ST18: variants seen among roughly 807,000 people sequenced by gnomAD.
ST18 encodes the protein ST18 C2H2C-type zinc finger transcription factor.
A neutral mutation model predicts 110.0 loss-of-function variants in ST18; 50 were observed. The ratio of observed to expected loss-of-function variants is 0.45; its 90% CI spans 0.36 to 0.58. The LOEUF is 0.58. ST18 is among the 20% of genes least tolerant of loss of function. The pLI, the probability that ST18 is intolerant of heterozygous loss-of-function variation, is 0.00. For synonymous variants in ST18, 461 were observed against 452.4 expected, an observed-to-expected ratio of 1.02 and a Z score of -0.24; for missense variants, 1,306 against 1,280.1, an observed-to-expected ratio of 1.02 and a Z score of -0.31.
intron 2 of ST18, among the ~76,000 whole-genome samples, chr8:52,344,540 A>G (rs1229022297): frequency 6.6e-6 from 1 of 152,030 alleles, no homozygotes; most frequent in African/African-American, 2.4e-5. Context: ...AGCTGGGATT[A>G]CGGGGGCCCA....
intron 2 of ST18, among the ~76,000 whole-genome samples, chr8:52,255,915 A>G (rs765894683): frequency 6.6e-6 from 1 of 152,198 alleles, no homozygotes. Flanking sequence ...CCCTTGGCCC[A>G]TTGCTCCCTC....
intron 9 of ST18, among the ~76,000 whole-genome samples, chr8:52,175,460 G>A (rs2133959023): frequency 6.6e-6 from 1 of 152,154 alleles, no homozygotes; most frequent in East Asian, 1.9e-4. Context: ...TGCACGATAT[G>A]CGATGTGGAG....
At position 52,111,900 on chromosome 8, in the gene ST18, C is replaced by T. The variant is rs558317024; in HGVS notation, c.*1298G>A. ...ACTATAGAAACTATGAAACTCTGAT[C>T]CGTTCAGAAATTCAAGATTGTGGGC... On this transcript the variant is annotated 3_prime_UTR_variant, in exon 26 of 26. Transcript: ENST00000689386. 5 of 152,564 alleles carry T rather than the reference C, an allele frequency of 3.3e-5. No individual in the cohort carries two copies. The highest frequency in any genetic ancestry group is 1.2e-4 in the African/African-American group (5 of 41,502). 9.5% of individuals were successfully genotyped at this position (152,564 alleles called of 1,614,324 possible).
intron 2 of ST18, among the ~76,000 whole-genome samples, chr8:52,272,084 C>T (rs967910700): frequency 1.3e-5 from 2 of 152,084 alleles, no homozygotes; most frequent in African/African-American, 4.8e-5. Context: ...AAATGTAAGA[C>T]CAGAAACTGT....
At chr8:52,300,388 T>C (rs895011660) in intron 2 of ST18, among the ~76,000 whole-genome samples, 1 of 152,140 alleles carries the variant, frequency 6.6e-6, no homozygotes, top group Non-Finnish European at 1.5e-5. Context: ...TAAAAGTAGA[T>C]TAAAGGATGA....
chr8:52,317,395 AC>A (rs531946445), intron 2 of ST18, among the ~76,000 whole-genome samples: 38 of 152,220 alleles, frequency 2.5e-4, no homozygotes, highest in Non-Finnish European at 4.3e-4. Context: ...ACCTGGAACC[AC>A]CAGAAGCTGG....
rs1424362301 is a variant in ST18 at position 52,220,835 on chromosome 8, T to A, written c.-251A>T. ...TGACTTTGTCTTATTTAGTGATAAATCCTGAAATTCATTCTATTGAGATAA... is the reference window on the plus strand; with the variant it reads ...TGACTTTGTCTTATTTAGTGATAAAACCTGAAATTCATTCTATTGAGATAA... On this transcript the variant is annotated 5_prime_UTR_variant, in exon 5 of 26. Transcript: ENST00000689386. The A allele has an allele frequency of 1.3e-5, 2 of 152,168 alleles. No individual in the cohort carries two copies. The highest frequency in any genetic ancestry group is 4.8e-5 in the African/African-American group (2 of 41,440). The allele number at this position is 152,168 out of a possible 1,614,324, so 9.4% of individuals were successfully genotyped here. A position where few individuals can be genotyped will look rare whatever the true frequency, so the allele number is the denominator to read the frequency against.
At chr8:52,212,243 C>G in intron 7 of ST18, 134 bp from the exon 8 acceptor site, 1 of 800,822 alleles carries the variant, frequency 1.2e-6, no homozygotes, top group Non-Finnish European at 2.0e-6. Flanking sequence ...TTTTCTTGTT[C>G]TAGTTCTTTG....
At chr8:52,396,740 C>A (rs1465744739) in intron 2 of ST18, among the ~76,000 whole-genome samples, 1 of 152,098 alleles carries the variant, frequency 6.6e-6, no homozygotes, top group Admixed American at 6.6e-5. Context: ...GGGGGAACCA[C>A]CCCCATGATC....
chr8:52,282,879 C>T (rs998808384), intron 2 of ST18, among the ~76,000 whole-genome samples: 7 of 152,024 alleles, frequency 4.6e-5, no homozygotes, highest in African/African-American at 1.7e-4. Flanking sequence ...AAGGAATTGG[C>T]TTTCTCACCC....
intron 2 of ST18, among the ~76,000 whole-genome samples, chr8:52,363,161 G>C (rs1028890191): frequency 3.9e-5 from 6 of 152,082 alleles, no homozygotes; most frequent in African/African-American, 1.4e-4. Context: ...GCAGTGAGCC[G>C]AGATCAGCCA....
intron 2 of ST18, among the ~76,000 whole-genome samples, chr8:52,332,977 A>G (rs1239255046): frequency 6.6e-6 from 1 of 152,184 alleles, no homozygotes; most frequent in East Asian, 1.9e-4. Context: ...AGCTGAGCAT[A>G]CTGGCTCTTG....
intron 2 of ST18, among the ~76,000 whole-genome samples, chr8:52,323,268 ATC>A (rs1451201565): frequency 6.6e-6 from 1 of 152,194 alleles, no homozygotes; most frequent in African/African-American, 2.4e-5. Flanking sequence ...GTTCCATTTG[ATC>A]TGTTTTTATT....
At chr8:52,294,577 G>C (rs1248235522) in intron 2 of ST18, 1 of 152,364 alleles carries the variant, frequency 6.6e-6, no homozygotes, top group South Asian at 2.1e-4. Flanking sequence ...CAGGGATCTG[G>C]CATCTGTCCC....
At chr8:52,154,288 A>T (rs2059508425) in intron 15 of ST18, 1 of 152,216 alleles carries the variant, frequency 6.6e-6, no homozygotes, top group South Asian at 2.1e-4. Flanking sequence ...GTGCCACATC[A>T]TGTTATTTCT....
chr8:52,176,061 G>A (rs1216064711), intron 9 of ST18, among the ~76,000 whole-genome samples: 5 of 150,522 alleles, frequency 3.3e-5, no homozygotes, highest in Non-Finnish European at 5.9e-5. Flanking sequence ...TCCCTCTGTC[G>A]CCCAGGCTGG....
chr8:52,187,019 G>A (rs1337378071), intron 8 of ST18, among the ~76,000 whole-genome samples: 1 of 151,920 alleles, frequency 6.6e-6, no homozygotes, highest in Non-Finnish European at 1.5e-5. Flanking sequence ...TTTTGGATAT[G>A]TTTTATACTT....
Position 52,191,896 on chromosome 8 carries a change from G to A in ST18, c.87-11584C>T, listed in dbSNP as rs140838189. Among the ~76,000 whole-genome samples the A allele has an allele frequency of 2.0e-4, 31 of 152,302 alleles. 1 individual carries two copies. Among genetic ancestry groups the A allele is most frequent in the Admixed American group, 3.3e-4 (5 of 15,304 alleles). On this transcript the variant is annotated intron_variant, in intron 8 of 25. Transcript: ENST00000689386. ...CAGGGAACAGGAGGTCTGAGGAAGA[G>A]GCATGTGGGTGAACTTAGGAGACTG...
intron 2 of ST18, among the ~76,000 whole-genome samples, chr8:52,303,972 T>A (rs192780631): frequency 6.6e-6 from 1 of 152,188 alleles, no homozygotes; most frequent in Non-Finnish European, 1.5e-5. Context: ...ATTACGTCCT[T>A]GCTTGTAGGA....
Sources: gnomAD v4.1 joint callset for allele counts (sites outside exome capture counted in the v4.1 genomes callset) on GRCh38, gnomAD v4.1.1 for gene constraint, MANE v1.5 for transcripts, NCBI Gene and HGNC (gene_info 2026-07-23, HGNC 2026-07-21) for gene names.